The following HYOU1 variants were observed in gnomAD, a reference collection of about 807,000 sequenced individuals.
HYOU1 encodes hypoxia up-regulated protein 1.
A neutral mutation model predicts 120.5 loss-of-function variants in HYOU1; 40 were observed. The observed-to-expected ratio is 0.33, with a 90% CI of 0.26 to 0.43. HYOU1 has a LOEUF of 0.43. Ranked by LOEUF, HYOU1 falls within the 20% of genes least tolerant of loss-of-function variation. The pLI is 1.00. For synonymous variants in HYOU1, 501 were observed against 479.4 expected, an observed-to-expected ratio of 1.05 and a Z score of -0.59; for missense variants, 1,085 against 1,278.3, an observed-to-expected ratio of 0.85 and a Z score of 2.31.
intron 14 of HYOU1, among the ~76,000 whole-genome samples, chr11:119,050,323 G>C (rs537987137): frequency 6.6e-6 from 1 of 152,088 alleles, no homozygotes; most frequent in African/African-American, 2.4e-5. Context: ...TGAGACAGGA[G>C]AGTCACTTGA....
At chr11:119,046,265 C>CTTT (rs11349624) in intron 24 of HYOU1, 152 bp downstream of exon 24, 402 of 494,060 alleles carry the variant, frequency 8.1e-4, no homozygotes, top group South Asian at 2.6e-3. Flanking sequence ...CGTGCCTGGC[C>CTTT]TTTTTTTTTT....
At position 119,051,152 on chromosome 11, in the gene HYOU1, C is replaced by A. The variant is rs145631430; in HGVS notation, c.1548G>T (p.Leu516=). Residue 516 remains leucine (L), a synonymous_variant, in exon 14 of 26, where the codon CTG becomes CTT. Coordinates refer to ENST00000617285, the MANE Select transcript of HYOU1 (RefSeq NM_006389.5). The surrounding 1 kb of genome is among the most constrained non-coding windows in gnomAD (Gnocchi z 4.2). ...EDLRVFGSQN[L]TTVKLKGVGD... ...CCACCCCTTTTAGCTTCACTGTGGT[C>A]AGATTCTGGGAGCCAAATACCCTGG... 104 of 1,614,210 alleles carry A rather than the reference C, an allele frequency of 6.4e-5. No homozygotes were observed. In the African/African-American group the frequency reaches 1.3e-3, roughly 20 times the overall value.
In HYOU1 at chr11:119,051,575, C is replaced by T. The variant is rs2133586021; in HGVS notation, c.1389G>A (p.Lys463=). 1.5e-5 allele frequency: 25 copies of T among 1,614,030 alleles called. No individual in the cohort carries two copies. Among genetic ancestry groups the T allele is most frequent in the Non-Finnish European group, 2.0e-5 (24 of 1,180,022 alleles). ...VEEEPGIHSL[K]HNKRVLFSRM... is the part of the protein sequence containing the mutation. Reference sequence around the variant, plus strand: ...GAGAGAAGAGTACCCGTTTATTGTGCTTCAGGCTGTGAATCCCAGGCTCCT... The same window carrying T: ...GAGAGAAGAGTACCCGTTTATTGTGTTTCAGGCTGTGAATCCCAGGCTCCT... The change falls in exon 13 of 26, where the codon AAG becomes AAA. Residue 463 remains lysine, a synonymous_variant. Coordinates refer to ENST00000617285, the MANE Select transcript of HYOU1 (RefSeq NM_006389.5). The surrounding 1 kb of genome is among the most constrained non-coding windows in gnomAD (Gnocchi z 4.2).
rs1409993813 is a variant in HYOU1, at chr11:119,048,135, G to A, written c.2377-55C>T. The A allele has an allele frequency of 1.2e-6, 2 of 1,612,390 alleles. No individual in the cohort carries two copies. Among genetic ancestry groups the A allele is most frequent in the African/African-American group, 2.7e-5 (2 of 74,874 alleles). The stretch of plus-strand genomic sequence containing the variant: ...GGAAGGGACGACAGCAGAGCCTGGA[G>A]TCAGCCCCATGTCCTTCTTTATGGG... On this transcript the variant is annotated intron_variant, in intron 20 of 25. Coordinates refer to ENST00000617285, the MANE Select transcript of HYOU1 (RefSeq NM_006389.5). The surrounding 1 kb of genome is among the most constrained non-coding windows in gnomAD (Gnocchi z 4.7).
chr11:119,047,326 C>G (rs182347121), intron 22 of HYOU1: 4 of 221,244 alleles, frequency 1.8e-5, no homozygotes, highest in African/African-American at 9.3e-5. Flanking sequence ...GGATTACAGG[C>G]GTGAGCCACC....
Position 119,055,387 on chromosome 11 carries a change from C to A in HYOU1, c.265-48G>T. On this transcript the variant is annotated intron_variant, in intron 4 of 25. Transcript: ENST00000617285. The surrounding 1 kb of genome is among the most constrained non-coding windows in gnomAD (Gnocchi z 4.0). ...ACTAGTATTAGGCTCCCAAGTCCACCATTACCTACCTCTTACATCACAGAG... is the reference window on the plus strand; with the variant it reads ...ACTAGTATTAGGCTCCCAAGTCCACAATTACCTACCTCTTACATCACAGAG... 6.2e-7 allele frequency: 1 copy of A among 1,608,054 alleles called. No homozygotes were observed. Among genetic ancestry groups the A allele is most frequent in the Non-Finnish European group, 8.5e-7 (1 of 1,175,496 alleles).
In HYOU1 at chr11:119,049,811, T is replaced by A. The variant is rs1361945867; in HGVS notation, c.1692A>T (p.Val564=). The A allele has an allele frequency of 6.2e-7, 1 of 1,614,006 alleles. No individual in the cohort carries two copies. Among genetic ancestry groups the A allele is most frequent in the Non-Finnish European group, 8.5e-7 (1 of 1,179,982 alleles). The change falls in exon 15 of 26, where the codon GTA becomes GTT. Residue 564 remains valine (V), a synonymous_variant. Coordinates refer to ENST00000617285, the MANE Select transcript of HYOU1 (RefSeq NM_006389.5). ...DRVESVFETL[V]EDSAEEESTL... is the part of the protein sequence containing the mutation. ...TAGATTCCTCTTCTGCGCTGTCCTC[T>A]ACCAGTGTCTCAAATACAGACTCCA...
Position 119,052,014 on chromosome 11 carries a change from C to A in HYOU1, c.1206-63G>T. ...AGCATGCAACCGGGACTTCCCTCCCCTCAGCCCTCCAGCTGCTCAGCCCAA... is the reference window on the plus strand; with the variant it reads ...AGCATGCAACCGGGACTTCCCTCCCATCAGCCCTCCAGCTGCTCAGCCCAA... On this transcript the variant is annotated intron_variant, in intron 11 of 25. Transcript: ENST00000617285. The surrounding 1 kb of genome is among the most constrained non-coding windows in gnomAD (Gnocchi z 5.0). The A allele has an allele frequency of 1.9e-6, 3 of 1,613,548 alleles. No individual in the cohort carries two copies. Among genetic ancestry groups the A allele is most frequent in the Middle Eastern group, 1.7e-4 (1 of 6,060 alleles).
intron 24 of HYOU1, 100 bp from the exon 25 acceptor site, chr11:119,045,931 T>G: frequency 2.6e-6 from 3 of 1,148,156 alleles, no homozygotes; most frequent in Non-Finnish European, 3.9e-6. Flanking sequence ...GTAAATATTT[T>G]AGGATGCATG....
chr11:119,046,658 G>A lies in HYOU1; in HGVS notation c.2740C>T (p.Pro914Ser). ...YLLNKAKFTK[P>S]RPRPKDKNGT... The stretch of plus-strand genomic sequence containing the variant: ...TTCTTGTCCTTAGGCCGGGGCCGGG[G>A]CTTGGTAAACTTGGCCTTATTGAGC... The change falls in exon 23 of 26, where the codon CCC becomes TCC. Residue 914 changes from proline to serine, a missense_variant. This residue lies in a region of HYOU1 where 516 missense variants were observed against 517.1 expected (regional missense o/e 1.00). Coordinates refer to ENST00000617285, the MANE Select transcript of HYOU1 (RefSeq NM_006389.5). 1 of 1,614,180 alleles carries A rather than the reference G, an allele frequency of 6.2e-7. No individual in the cohort carries two copies. Among genetic ancestry groups the A allele is most frequent in the Non-Finnish European group, 8.5e-7 (1 of 1,180,022 alleles).
In HYOU1 at chr11:119,049,320, G is replaced by T. The variant is rs2133572065; in HGVS notation, c.1807-117C>A. 6.4e-6 allele frequency: 10 copies of T among 1,561,938 alleles called. No homozygotes were observed. In the South Asian group the frequency reaches 1.1e-4, roughly 18 times the overall value. On this transcript the variant is annotated intron_variant, in intron 16 of 25. Coordinates refer to ENST00000617285, the MANE Select transcript of HYOU1 (RefSeq NM_006389.5). Reference sequence around the variant, plus strand: ...TACAGGTGACTGCTGTATGGAAACGGTCAATGGCCTGCTTGGACTGTGGCA... The same window carrying T: ...TACAGGTGACTGCTGTATGGAAACGTTCAATGGCCTGCTTGGACTGTGGCA...
Position 119,055,104 on chromosome 11 carries a change from T to G in HYOU1, c.420-44A>C, listed in dbSNP as rs1944672112. 1.2e-6 allele frequency: 2 copies of G among 1,613,452 alleles called. No individual in the cohort carries two copies. The highest frequency in any genetic ancestry group is 2.7e-5 in the African/African-American group (2 of 74,878). ...GTTGGAGCCAAGGAAAGCCAGGCAT[T>G]AAGGCAGGACAATCAGGAACACACA... On this transcript the variant is annotated intron_variant, in intron 5 of 25. Coordinates refer to ENST00000617285, the MANE Select transcript of HYOU1 (RefSeq NM_006389.5). This position sits in a 1 kb window ranked among gnomAD's most constrained non-coding sequence, Gnocchi z 4.0.
At position 119,049,152 on chromosome 11, in the gene HYOU1, C is replaced by T. The variant is rs2133570033; in HGVS notation, c.1858G>A (p.Val620Met). ...EGSKDEPGEQ[V>M]ELKEEAEAPV... Reference sequence around the variant, plus strand: ...GCCTCAGCTTCCTCCTTGAGCTCCACCTGCTCCCCAGGCTCGTCCTTGCTC... The same window carrying T: ...GCCTCAGCTTCCTCCTTGAGCTCCATCTGCTCCCCAGGCTCGTCCTTGCTC... The change falls in exon 17 of 26, where the codon GTG becomes ATG. Residue 620 changes from valine to methionine, a missense_variant. Val to Met is a conservative substitution (Grantham distance 21). Transcript: ENST00000617285. The T allele has an allele frequency of 3.1e-6, 5 of 1,612,718 alleles. No individual in the cohort carries two copies. Among genetic ancestry groups the T allele is most frequent in the Non-Finnish European group, 4.2e-6 (5 of 1,179,346 alleles).
rs541561621 is a variant in HYOU1, at chr11:119,045,639, T to C, written c.2954A>G (p.Glu985Gly). The C allele has an allele frequency of 1.2e-6, 2 of 1,614,212 alleles. No homozygotes were observed. Among genetic ancestry groups the C allele is most frequent in the African/African-American group, 2.7e-5 (2 of 75,050 alleles). ...GGPGAEPEQK[E>G]QSTGQKRPLK... ...AGGCCGCTTCTGTCCTGTCGATTGT[T>C]CTTTCTGTTCAGGTTCTGTTGGGAG... The change falls in exon 26 of 26, where the codon GAA becomes GGA. Residue 985 changes from glutamate to glycine, a missense_variant. Coordinates refer to ENST00000617285, the MANE Select transcript of HYOU1 (RefSeq NM_006389.5).
At position 119,052,730 on chromosome 11, in the gene HYOU1, A is replaced by G. The variant is rs1257599364; in HGVS notation, c.894T>C (p.Asp298=). Reference sequence around the variant, plus strand: ...CCATGGCACGCGGGTTCTCCCGCACATCCTTTGCTCTCTGACCCTTGCGCT... The same window carrying G: ...CCATGGCACGCGGGTTCTCCCGCACGTCCTTTGCTCTCTGACCCTTGCGCT... ...NEQRKGQRAK[D]VRENPRAMAK... is the part of the protein sequence containing the mutation. Residue 298 remains aspartate (D), a synonymous_variant, in exon 9 of 26, where the codon GAT becomes GAC. Coordinates refer to ENST00000617285, the MANE Select transcript of HYOU1 (RefSeq NM_006389.5). This position sits in a 1 kb window ranked among gnomAD's most constrained non-coding sequence, Gnocchi z 5.0. The G allele has an allele frequency of 2.0e-5, 32 of 1,614,094 alleles. No homozygotes were observed. Among genetic ancestry groups the G allele is most frequent in the Non-Finnish European group, 2.7e-5 (32 of 1,180,042 alleles).
Position 119,048,561 on chromosome 11 carries a change from A to C in HYOU1, c.2168T>G (p.Leu723Arg). The change falls in exon 19 of 26, where the codon CTT becomes CGT. Residue 723 changes from leucine (L) to arginine (R), a missense_variant and splice_region_variant. Around this residue, in one of 4 missense-constraint regions of HYOU1, gnomAD observed 516 missense variants for 517.1 expected, o/e 1.00. Transcript: ENST00000617285. The surrounding 1 kb of genome is among the most constrained non-coding windows in gnomAD (Gnocchi z 4.7). ...CAGGTCTCGGAGTGTCAAGTCCTGA[A>C]GTCTATGGGACAAAGGAGGGGTAGG... ...EDKLAQSVQK[L>R]QDLTLRDLEK... 6.2e-7 allele frequency: 1 copy of C among 1,613,882 alleles called. No homozygotes were observed. The highest frequency in any genetic ancestry group is 8.5e-7 in the Non-Finnish European group (1 of 1,179,912).
Position 119,052,632 on chromosome 11 carries a change from G to A in HYOU1, c.987+5C>T, listed in dbSNP as rs2133594263. 1 of 1,607,056 alleles carries A rather than the reference G, an allele frequency of 6.2e-7. No homozygotes were observed. The highest frequency in any genetic ancestry group is 8.5e-7 in the Non-Finnish European group (1 of 1,175,420). ...ATATAGCCTCAACCAGCCACTTGTGGGCACCTGTGCCATGTGGTCAGCGTT... is the reference window on the plus strand; with the variant it reads ...ATATAGCCTCAACCAGCCACTTGTGAGCACCTGTGCCATGTGGTCAGCGTT... On this transcript the variant is annotated splice_donor_5th_base_variant and intron_variant, in intron 9 of 25. Transcript: ENST00000617285. This position sits in a 1 kb window ranked among gnomAD's most constrained non-coding sequence, Gnocchi z 5.0.
intron 22 of HYOU1, 148 bp downstream of exon 22, chr11:119,047,586 A>T: frequency 1.4e-6 from 1 of 691,428 alleles, no homozygotes; most frequent in Non-Finnish European, 2.5e-6. Context: ...GGGACTAATC[A>T]GAGGTGGGCT....
In HYOU1 at chr11:119,046,727, T is replaced by A. The variant is rs2133552849; in HGVS notation, c.2671A>T (p.Ile891Phe). 2 of 1,610,728 alleles carry A rather than the reference T, an allele frequency of 1.2e-6. No homozygotes were observed. The highest frequency in any genetic ancestry group is 1.7e-6 in the Non-Finnish European group (2 of 1,180,010). ...TCCAGGGCCATCATCTTAGCTTCAA[T>A]GTCTTTTGAGAGCAACACAGGCTTC... The part of the protein sequence containing the change: ...TEKPVLLSKD[I>F]EAKMMALDRE... Residue 891 changes from isoleucine (I) to phenylalanine (F), a missense_variant, in exon 23 of 26, where the codon ATT becomes TTT. By Grantham distance (21) the Ile-to-Phe change is conservative. Coordinates refer to ENST00000617285, the MANE Select transcript of HYOU1 (RefSeq NM_006389.5).
Sources: allele counts gnomAD v4.1 joint callset (sites outside exome capture counted in the v4.1 genomes callset), GRCh38; gene constraint gnomAD v4.1.1; regional missense constraint gnomAD v4.1.1; non-coding constraint Gnocchi (gnomAD v3.1); transcripts MANE v1.5; gene names NCBI Gene and HGNC (gene_info 2026-07-23, HGNC 2026-07-21).